COL5A1: variants seen among roughly 807,000 people sequenced by gnomAD.
COL5A1 encodes collagen type V alpha 1 chain.
A neutral mutation model predicts 263.7 loss-of-function variants in COL5A1; 16 were observed. That is an observed-to-expected ratio of 0.06 (90% confidence interval 0.04 to 0.09). The LOEUF (loss-of-function observed/expected upper bound fraction) is 0.09. COL5A1 is among the 10% of genes least tolerant of loss of function. The pLI is 1.00. For missense variants in COL5A1, 2,036 were observed against 2,540.5 expected (o/e 0.80, Z 4.27); for synonymous variants, 1,012 against 1,004.5 (o/e 1.01, Z -0.14).
chr9:134,802,848 C>A, intron 38 of COL5A1, 40 bp from the exon 39 acceptor site: 1 of 1,448,400 alleles, frequency 6.9e-7, no homozygotes, highest in Non-Finnish European at 9.7e-7. Flanking sequence ...CCTTGCAAGT[C>A]ACTCGAAACG....
chr9:134,715,406 C>A (rs748527635), intron 4 of COL5A1, among the ~76,000 whole-genome samples: 2 of 152,132 alleles, frequency 1.3e-5, no homozygotes, highest in Non-Finnish European at 2.9e-5. Flanking sequence ...GAGACAGATG[C>A]CTTCCTCTTA....
chr9:134,836,442 T>C (rs1257716590), intron 65 of COL5A1, among the ~76,000 whole-genome samples: 1 of 152,136 alleles, frequency 6.6e-6, no homozygotes, highest in African/African-American at 2.4e-5. Context: ...TGGGACCACA[T>C]TTCAACCTGA....
intron 24 of COL5A1, 116 bp downstream of exon 24, chr9:134,767,470 C>A: frequency 1.1e-6 from 1 of 936,178 alleles, no homozygotes; most frequent in Non-Finnish European, 1.7e-6. Context: ...TTGGTGCTCC[C>A]AAGAGACGCC....
Position 134,821,597 on chromosome 9 carries a change from C to T in COL5A1, c.4555-500C>T, listed in dbSNP as rs950114455. ...AGTCAGTGGGGAGAAGGGGTCTGAGCGGAGGTTCCACGCTCCAAGGATGCA... is the reference window on the plus strand; with the variant it reads ...AGTCAGTGGGGAGAAGGGGTCTGAGTGGAGGTTCCACGCTCCAAGGATGCA... On this transcript the variant is annotated intron_variant, in intron 58 of 65. Coordinates refer to ENST00000371817, the MANE Select transcript of COL5A1 (RefSeq NM_000093.5). This position sits in a 1 kb window ranked among gnomAD's most constrained non-coding sequence, Gnocchi z 4.2. Among the ~76,000 whole-genome samples the T allele has an allele frequency of 3.9e-5, 6 of 152,100 alleles. No individual in the cohort carries two copies. Among genetic ancestry groups the T allele is most frequent in the African/African-American group, 7.2e-5 (3 of 41,412 alleles).
intron 2 of COL5A1, among the ~76,000 whole-genome samples, chr9:134,698,511 GC>G (rs1833563012): frequency 1.3e-5 from 2 of 152,354 alleles, no homozygotes; most frequent in South Asian, 4.1e-4. Flanking sequence ...TCTCCCTGCA[GC>G]ACCTTACAGA....
chr9:134,787,467 A>G (rs971189622), intron 31 of COL5A1, among the ~76,000 whole-genome samples: 1 of 152,250 alleles, frequency 6.6e-6, no homozygotes, highest in African/African-American at 2.4e-5. Context: ...CATTCAGGAC[A>G]GGATTTTAAG....
rs1255634205 is a variant in COL5A1 at position 134,758,294 on chromosome 9, A to G, written c.1933A>G (p.Arg645Gly). 3 of 1,613,996 alleles carry G rather than the reference A, an allele frequency of 1.9e-6. No individual in the cohort carries two copies. The highest frequency in any genetic ancestry group is 1.7e-5 in the Admixed American group (1 of 60,008). Reference protein sequence around the residue: ...LAGLPGEKGHRGDPGPSGPPG... With the variant: ...LAGLPGEKGHGGDPGPSGPPG... ...TGGGTTGCCAGGCGAGAAGGGCCAC[A>G]GGGTGAGTATTTCCTCTGTGAGACA... Residue 645 changes from arginine to glycine, a missense_variant and splice_region_variant, in exon 18 of 66, where the codon AGG becomes GGG. Physicochemically the swap from Arg to Gly is moderately radical, Grantham distance 125 (BLOSUM62 -2). This residue lies in a region of COL5A1 where 1,078 missense variants were observed against 1,521.4 expected (regional missense o/e 0.71). Coordinates refer to ENST00000371817, the MANE Select transcript of COL5A1 (RefSeq NM_000093.5). The surrounding 1 kb of genome is among the most constrained non-coding windows in gnomAD (Gnocchi z 4.1).
chr9:134,823,370 C>T (rs909071634), intron 60 of COL5A1, 46 bp from the exon 61 acceptor site: 1 of 1,606,348 alleles, frequency 6.2e-7, no homozygotes, highest in Non-Finnish European at 8.5e-7. Flanking sequence ...TTCAAAGTCC[C>T]CTCATACCTC....
chr9:134,698,718 C>T (rs891738015), intron 2 of COL5A1, among the ~76,000 whole-genome samples: 10 of 152,380 alleles, frequency 6.6e-5, no homozygotes, highest in Non-Finnish European at 1.2e-4. Context: ...CATGGATAGC[C>T]GCCTTGCAGG....
intron 1 of COL5A1, among the ~76,000 whole-genome samples, chr9:134,674,677 G>A (rs893811062): frequency 6.6e-6 from 1 of 152,164 alleles, no homozygotes; most frequent in Non-Finnish European, 1.5e-5. Context: ...CCTGAGGTCA[G>A]GAGTTCGAGA....
intron 4 of COL5A1, among the ~76,000 whole-genome samples, chr9:134,709,826 G>A (rs1588458818): frequency 6.6e-6 from 1 of 152,320 alleles, no homozygotes; most frequent in Non-Finnish European, 1.5e-5. Context: ...CCAGAAGATG[G>A]CACTGAGGGT....
At chr9:134,661,537 G>A (rs527911365) in intron 1 of COL5A1, among the ~76,000 whole-genome samples, 195 of 152,014 alleles carry the variant, frequency 1.3e-3, no homozygotes, top group African/African-American at 4.1e-3. Flanking sequence ...CTGACTCTGT[G>A]AGGACGTGCC....
At chr9:134,784,148 G>C (rs13294483) in intron 29 of COL5A1, among the ~76,000 whole-genome samples, 9 of 152,152 alleles carry the variant, frequency 5.9e-5, no homozygotes, top group Non-Finnish European at 1.3e-4. Flanking sequence ...TGTGTGCCGG[G>C]TTATTTTGTT....
intron 28 of COL5A1, among the ~76,000 whole-genome samples, chr9:134,780,502 C>T (rs943101776): frequency 3.3e-5 from 5 of 152,278 alleles, no homozygotes; most frequent in East Asian, 3.9e-4. Flanking sequence ...CCAGGTGGGC[C>T]GCCTTGCATG....
chr9:134,738,902 G>T, intron 11 of COL5A1, 94 bp downstream of exon 11: 1 of 1,041,274 alleles, frequency 9.6e-7, no homozygotes, highest in Admixed American at 1.7e-5. Flanking sequence ...CCTGCCTGTG[G>T]AGGTGACCCA....
chr9:134,650,375 G>T (rs976168473), intron 1 of COL5A1, among the ~76,000 whole-genome samples: 3 of 152,182 alleles, frequency 2.0e-5, no homozygotes, highest in Non-Finnish European at 2.9e-5. Context: ...CCGTGTGTGG[G>T]TACAGAGGGA....
At position 134,809,395 on chromosome 9, in the gene COL5A1, A is replaced by C. The variant is rs1454818959; in HGVS notation, c.3474+105A>C. On this transcript the variant is annotated intron_variant, in intron 43 of 65. Transcript: ENST00000371817. ...AGGATGCTGGCAGGTAGAGCGGCTC[A>C]GCCAGCGGAGTGATGCCACACCCAC... is the stretch of plus-strand genomic sequence containing the variant. The C allele has an allele frequency of 6.8e-6, 6 of 886,096 alleles. No individual in the cohort carries two copies. The African/African-American group carries it at 9.9e-5, about 15-fold the overall frequency. 54.9% of individuals were successfully genotyped at this position (886,096 alleles called of 1,614,324 possible). A position where few individuals can be genotyped will look rare whatever the true frequency, so the allele number is the denominator to read the frequency against.
At chr9:134,796,441 G>A in intron 35 of COL5A1, 23 bp downstream of exon 35, 1 of 1,613,720 alleles carries the variant, frequency 6.2e-7, no homozygotes, top group Non-Finnish European at 8.5e-7. Context: ...AGCCTTCGGG[G>A]GTGTCTCCAA....
At position 134,795,111 on chromosome 9, in the gene COL5A1, G is replaced by T. The variant is rs929173479; in HGVS notation, c.2730G>T (p.Gly910=). 1 of 1,614,104 alleles carries T rather than the reference G, an allele frequency of 6.2e-7. No individual in the cohort carries two copies. The highest frequency in any genetic ancestry group is 8.5e-7 in the Non-Finnish European group (1 of 1,180,026). ...RGTPGKPGPR[G]QRGPTGPRGE... ...CCCCTGGAAAGCCAGGACCGCGGGG[G>T]CAGCGAGGCCCAACGGTAACCACCC... Residue 910 remains glycine (G), a synonymous_variant, in exon 33 of 66, where the codon GGG becomes GGT. Coordinates refer to ENST00000371817, the MANE Select transcript of COL5A1 (RefSeq NM_000093.5).
Sources: gnomAD v4.1 joint callset for allele counts (sites outside exome capture counted in the v4.1 genomes callset) on GRCh38, gnomAD v4.1.1 for gene constraint, gnomAD v4.1.1 regional missense constraint, Gnocchi (gnomAD v3.1) non-coding constraint, MANE v1.5 for transcripts, NCBI Gene and HGNC (gene_info 2026-07-23, HGNC 2026-07-21) for gene names.